FBRSL1: variants seen among roughly 807,000 people sequenced by gnomAD.
FBRSL1 encodes fibrosin like 1.
A neutral mutation model predicts 89.6 loss-of-function variants in FBRSL1; 51 were observed. The ratio of observed to expected loss-of-function variants is 0.57; its 90% CI spans 0.45 to 0.72. FBRSL1 has a LOEUF of 0.72. Ranked by LOEUF, FBRSL1 falls within the 30% of genes least tolerant of loss-of-function variation. The pLI, the probability that FBRSL1 is intolerant of heterozygous loss-of-function variation, is 0.00. For missense variants in FBRSL1, 1,618 were observed against 1,451.8 expected (o/e 1.11, Z -1.86); for synonymous variants, 779 against 681.1 (o/e 1.14, Z -2.24).
At chr12:132,578,140 G>A (rs1414386165) in intron 15 of FBRSL1, among the ~76,000 whole-genome samples, 1 of 152,186 alleles carries the variant, frequency 6.6e-6, no homozygotes, top group Non-Finnish European at 1.5e-5. Flanking sequence ...ATGTATGATG[G>A]ACTGTATTCT....
intron 1 of FBRSL1, among the ~76,000 whole-genome samples, chr12:132,504,941 C>A (rs1299666826): frequency 6.6e-6 from 1 of 152,106 alleles, no homozygotes; most frequent in Non-Finnish European, 1.5e-5. Context: ...ACCAGCCTGG[C>A]CAACATGGTG....
At chr12:132,541,769 C>T (rs1231527342) in intron 4 of FBRSL1, among the ~76,000 whole-genome samples, 3 of 152,262 alleles carry the variant, frequency 2.0e-5, no homozygotes, top group South Asian at 2.1e-4. Flanking sequence ...TTGCATATCC[C>T]GCCCGAGCGT....
intron 4 of FBRSL1, 74 bp downstream of exon 4, chr12:132,528,062 C>A: frequency 7.3e-7 from 1 of 1,362,236 alleles, no homozygotes; most frequent in Non-Finnish European, 1.0e-6. Flanking sequence ...CTCACCTGTC[C>A]GAGGCCCCAC....
intron 5 of FBRSL1, chr12:132,554,834 C>A (rs1427044117): frequency 2.6e-5 from 4 of 152,348 alleles, no homozygotes; most frequent in Admixed American, 6.5e-5. Flanking sequence ...ATAATCCCAG[C>A]TACTCAAGAG....
intron 1 of FBRSL1, among the ~76,000 whole-genome samples, chr12:132,498,386 C>T (rs769235379): frequency 6.6e-6 from 1 of 152,204 alleles, no homozygotes; most frequent in Admixed American, 6.5e-5. Context: ...CACCTTCTGG[C>T]CAATCCCGGC....
intron 4 of FBRSL1, among the ~76,000 whole-genome samples, chr12:132,545,103 A>T (rs531270411): frequency 6.6e-5 from 10 of 152,010 alleles, no homozygotes; most frequent in Non-Finnish European, 1.5e-4. Flanking sequence ...GGCCTCGCCC[A>T]GTGTGGGGCA....
rs1411154908 is a variant in FBRSL1 at position 132,582,233 on chromosome 12, G to A, written c.2168G>A (p.Arg723Gln). 2 of 1,550,068 alleles carry A rather than the reference G, an allele frequency of 1.3e-6. No individual in the cohort carries two copies. The highest frequency in any genetic ancestry group is 1.4e-5 in the African/African-American group (1 of 73,040). ...ERVSALTNHD[R>Q]EPDNGKEEQE... ...GTGTCAGCCCTGACCAACCATGACCGAGAGCCGGACAATGGCAAGGAGGAG... is the reference window on the plus strand; with the variant it reads ...GTGTCAGCCCTGACCAACCATGACCAAGAGCCGGACAATGGCAAGGAGGAG... The change falls in exon 18 of 19, where the codon CGA becomes CAA. Residue 723 changes from arginine to glutamine, a missense_variant. Transcript: ENST00000680143.
intron 1 of FBRSL1, among the ~76,000 whole-genome samples, chr12:132,505,346 C>A (rs755652171): frequency 6.6e-6 from 1 of 152,264 alleles, no homozygotes; most frequent in Non-Finnish European, 1.5e-5. Context: ...TGGTTGGCAC[C>A]GCCCATGGGG....
intron 4 of FBRSL1, among the ~76,000 whole-genome samples, chr12:132,532,018 G>A (rs1032228137): frequency 8.5e-5 from 13 of 152,222 alleles, no homozygotes; most frequent in Admixed American, 3.9e-4. Context: ...AGCGTGGCAG[G>A]GGGCTAGTGG....
At position 132,583,616 on chromosome 12, in the gene FBRSL1, C is replaced by A; in HGVS notation, c.2847C>A (p.Ala949=). Residue 949 remains alanine (A), a synonymous_variant, in exon 19 of 19, where the codon GCC becomes GCA. Transcript: ENST00000680143. ...GGCTCCTGGCGCGGACCCCGCCCGC[C>A]GCCGCCGCCCTCGGCGCACCGCCCC... ...HNGLLARTPP[A]AAALGAPPPL... is the part of the protein sequence containing the mutation. 1.0e-6 allele frequency: 1 copy of A among 992,542 alleles called. No individual in the cohort carries two copies. Among genetic ancestry groups the A allele is most frequent in the South Asian group, 4.5e-5 (1 of 22,198 alleles). The allele number at this position is 992,542 out of a possible 1,614,324, so 61.5% of individuals were successfully genotyped here.
intron 5 of FBRSL1, chr12:132,551,297 C>T (rs1020692158): frequency 2.4e-6 from 1 of 422,630 alleles, no homozygotes; most frequent in African/African-American, 2.0e-5. Context: ...AGACCTCACT[C>T]AGACCTGGGA....
chr12:132,534,898 C>T (rs557525378), intron 4 of FBRSL1, among the ~76,000 whole-genome samples: 4 of 152,338 alleles, frequency 2.6e-5, no homozygotes, highest in East Asian at 3.9e-4. Flanking sequence ...TCATGAGTGC[C>T]GCCTTTCACC....
At chr12:132,577,987 G>A (rs999012486) in intron 15 of FBRSL1, among the ~76,000 whole-genome samples, 2 of 152,206 alleles carry the variant, frequency 1.3e-5, no homozygotes, top group African/African-American at 4.8e-5. Flanking sequence ...GCTGACCCTT[G>A]AACCACACAG....
chr12:132,578,734 T>G (rs2040549453), intron 15 of FBRSL1, among the ~76,000 whole-genome samples: 1 of 144,834 alleles, frequency 6.9e-6, no homozygotes, highest in Non-Finnish European at 1.5e-5. Context: ...CCCCCCTCAC[T>G]CTCCCCTCAC....
chr12:132,541,445 C>T (rs1024382943), intron 4 of FBRSL1, among the ~76,000 whole-genome samples: 11 of 152,292 alleles, frequency 7.2e-5, no homozygotes, highest in Non-Finnish European at 1.2e-4. Flanking sequence ...CCCCCCACCC[C>T]GGGGACAGCT....
chr12:132,549,230 G>A (rs1296360689), intron 5 of FBRSL1, among the ~76,000 whole-genome samples: 2 of 152,198 alleles, frequency 1.3e-5, no homozygotes, highest in African/African-American at 4.8e-5. Context: ...CCGTGTCTGG[G>A]GCTCCAGCAT....
At position 132,570,050 on chromosome 12, in the gene FBRSL1, G is replaced by T. The variant is rs373715873; in HGVS notation, c.816G>T (p.Ala272=). ...LPTASPAPHA[A]PCPGPPPGSR... is the part of the protein sequence containing the mutation. ...CTGCCAGCCCCGCGCCCCATGCCGC[G>T]CCCTGCCCGGGGCCCCCGCCCGGCT... The change falls in exon 7 of 19, where the codon GCG becomes GCT. Residue 272 remains alanine (A), a synonymous_variant. Coordinates refer to ENST00000680143, the MANE Select transcript of FBRSL1 (RefSeq NM_001367871.1). 2.0e-6 allele frequency: 3 copies of T among 1,503,430 alleles called. No homozygotes were observed. The highest frequency in any genetic ancestry group is 3.8e-4 in the Middle Eastern group (2 of 5,318). The allele number at this position is 1,503,430 out of a possible 1,614,324, so 93.1% of individuals were successfully genotyped here. A position where few individuals can be genotyped will look rare whatever the true frequency, so the allele number is the denominator to read the frequency against.
intron 2 of FBRSL1, chr12:132,511,503 C>G (rs1273632970): frequency 1.0e-6 from 1 of 985,910 alleles, no homozygotes; most frequent in African/African-American, 1.7e-5. Context: ...CGCCACTCGC[C>G]CAAAAGGGAG....
chr12:132,583,781 C>G lies in FBRSL1; in HGVS notation c.*3C>G. ...CCCCGGAGGTGGAGGCGCGGTAGCCCCGGGGCCGCAGACGCCTCTCCGAGC... is the reference window on the plus strand; with the variant it reads ...CCCCGGAGGTGGAGGCGCGGTAGCCGCGGGGCCGCAGACGCCTCTCCGAGC... On this transcript the variant is annotated 3_prime_UTR_variant, in exon 19 of 19. Transcript: ENST00000680143. The G allele has an allele frequency of 2.5e-6, 3 of 1,214,102 alleles. No individual in the cohort carries two copies. The highest frequency in any genetic ancestry group is 3.1e-6 in the Non-Finnish European group (3 of 976,110). 75.2% of individuals were successfully genotyped at this position (1,214,102 alleles called of 1,614,324 possible).
Sources: allele counts gnomAD v4.1 joint callset (sites outside exome capture counted in the v4.1 genomes callset), GRCh38; gene constraint gnomAD v4.1.1; transcripts MANE v1.5; gene names NCBI Gene and HGNC (gene_info 2026-07-23, HGNC 2026-07-21).